Variants in AGBL1 observed in about 807,000 individuals in gnomAD.
The protein encoded by AGBL1 is cytosolic carboxypeptidase 4.
AGBL1 carries 130 observed loss-of-function variants against 118.9 expected under a neutral mutation model. The ratio of observed to expected loss-of-function variants is 1.09; its 90% CI spans 0.95 to 1.26. The LOEUF is 1.26. Among genes scored for constraint, AGBL1 ranks in the 50% most tolerant of loss-of-function variants. AGBL1 has a pLI of 0.00. For missense variants in AGBL1, 1,584 were observed against 1,298.1 expected, an observed-to-expected ratio of 1.22 and a Z score of -3.38; for synonymous variants, 555 against 478.9, an observed-to-expected ratio of 1.16 and a Z score of -2.08.
rs1166428209 is a variant in AGBL1 at position 87,006,845 on chromosome 15, G to GA, written c.3323+18757_3323+18758insA. Among the ~76,000 whole-genome samples the GA allele has an allele frequency of 2.0e-5, 3 of 152,036 alleles. No homozygotes were observed. In the East Asian group the frequency reaches 5.8e-4, roughly 29 times the overall value. ...CCCTTGGAGCCAAGATTTTAAACCTGGACTACAGCCTGAGAAGAATGGAAT... is the reference window on the plus strand; with the variant it reads ...CCCTTGGAGCCAAGATTTTAAACCTGAGACTACAGCCTGAGAAGAATGGAAT... On this transcript the variant is annotated intron_variant, in intron 24 of 24. Coordinates refer to the AGBL1 transcript ENST00000441037.
chr15:86,569,941 A>G (rs1178388956), intron 21 of AGBL1, among the ~76,000 whole-genome samples: 1 of 152,242 alleles, frequency 6.6e-6, no homozygotes, highest in African/African-American at 2.4e-5. Context: ...AAGATGGTTT[A>G]TCTCTGTAAA....
chr15:86,633,083 A>G (rs2085003301), intron 21 of AGBL1, among the ~76,000 whole-genome samples: 1 of 152,178 alleles, frequency 6.6e-6, no homozygotes, highest in Admixed American at 6.5e-5. Flanking sequence ...CTACACTTAG[A>G]CAAGTAGTAA....
intron 5 of AGBL1, among the ~76,000 whole-genome samples, chr15:86,196,868 T>TGCGCGTGC (rs1555446440): frequency 1.0e-5 from 1 of 95,718 alleles, no homozygotes; most frequent in African/African-American, 4.6e-5. Context: ...TGTGCACATG[T>TGCGCGTGC]GCGCGCGCGC....
chr15:86,962,613 T>C (rs922766602), intron 23 of AGBL1, among the ~76,000 whole-genome samples: 2 of 152,086 alleles, frequency 1.3e-5, no homozygotes, highest in African/African-American at 4.8e-5. Flanking sequence ...AAATTTCAGG[T>C]TATGCAGGAC....
chr15:86,178,725 T>G (rs2077514793), intron 5 of AGBL1, among the ~76,000 whole-genome samples: 1 of 152,216 alleles, frequency 6.6e-6, no homozygotes, highest in Admixed American at 6.5e-5. Context: ...ATTTTCTAAC[T>G]TATTCAATGA....
At chr15:87,027,489 T>A (rs1013051088) in intron 24 of AGBL1, among the ~76,000 whole-genome samples, 7 of 147,458 alleles carry the variant, frequency 4.7e-5, no homozygotes, top group African/African-American at 1.8e-4. Flanking sequence ...ATTATATAGA[T>A]GTATTATGCA....
chr15:86,485,616 C>T (rs371105760), intron 18 of AGBL1, among the ~76,000 whole-genome samples: 100 of 152,120 alleles, frequency 6.6e-4, no homozygotes, highest in Admixed American at 2.1e-3. Flanking sequence ...TTTCATATGA[C>T]GCAAAATATA....
At chr15:86,697,362 T>C (rs967459417) in intron 22 of AGBL1, among the ~76,000 whole-genome samples, 1 of 152,044 alleles carries the variant, frequency 6.6e-6, no homozygotes, top group African/African-American at 2.4e-5. Context: ...CTGAATTCCT[T>C]TCTTTTGCTT....
intron 1 of AGBL1, among the ~76,000 whole-genome samples, chr15:86,118,256 C>T (rs1186904731): frequency 6.6e-6 from 1 of 152,170 alleles, no homozygotes; most frequent in Admixed American, 6.5e-5. Context: ...CCCTTTGCTT[C>T]TCTCTGGAGT....
intron 22 of AGBL1, among the ~76,000 whole-genome samples, chr15:86,766,397 T>C (rs2078097472): frequency 6.6e-6 from 1 of 151,988 alleles, no homozygotes; most frequent in Non-Finnish European, 1.5e-5. Flanking sequence ...AAACTACTTA[T>C]GGTATAAATG....
chr15:86,517,337 A>G lies in AGBL1; in HGVS notation c.2556-5473A>G, dbSNP rs180864074. Among the ~76,000 whole-genome samples the G allele has an allele frequency of 3.9e-5, 6 of 152,350 alleles. No homozygotes were observed. The East Asian group carries it at 1.2e-3, about 29-fold the overall frequency. On this transcript the variant is annotated intron_variant, in intron 18 of 22. Transcript: ENST00000614907. ...GTCCATTAGGATCTTGTTAAAATGC[A>G]GACTCAGGGTTGGGACTAGAGTTTC... is the stretch of plus-strand genomic sequence containing the variant.
intron 23 of AGBL1, among the ~76,000 whole-genome samples, chr15:86,979,943 A>G (rs1037982628): frequency 6.6e-5 from 10 of 152,162 alleles, no homozygotes; most frequent in African/African-American, 2.2e-4. Flanking sequence ...ACTGGGATCC[A>G]CTAAGAGACT....
In AGBL1 at chr15:86,729,861, A is replaced by G. The variant is rs180980378; in HGVS notation, c.3158+55425A>G. Among the ~76,000 whole-genome samples the G allele has an allele frequency of 5.7e-3, 868 of 152,268 alleles. 2 individuals carry two copies. The highest frequency in any genetic ancestry group is 0.017 in the South Asian group (82 of 4,824). ...TAGAGAAATCACACTGCTTTCCACA[A>G]TGCCTCAACTAATTTACATTCCCAC... On this transcript the variant is annotated intron_variant, in intron 22 of 22. Coordinates refer to ENST00000614907, the MANE Select transcript of AGBL1 (RefSeq NM_001386094.1).
At chr15:86,092,442 C>G (rs968354992) in intron 1 of AGBL1, among the ~76,000 whole-genome samples, 1 of 152,056 alleles carries the variant, frequency 6.6e-6, no homozygotes, top group Non-Finnish European at 1.5e-5. Context: ...TCAGACCAAC[C>G]ACTGAACTTT....
At chr15:86,638,785 A>G (rs1414308960) in intron 21 of AGBL1, among the ~76,000 whole-genome samples, 1 of 152,204 alleles carries the variant, frequency 6.6e-6, no homozygotes, top group Middle Eastern at 3.2e-3. Flanking sequence ...ACTCAGAGGC[A>G]TAAAACACCA....
At chr15:86,105,403 G>T (rs1016164523) in intron 1 of AGBL1, 3 of 152,156 alleles carry the variant, frequency 2.0e-5, no homozygotes, top group African/African-American at 7.2e-5. Flanking sequence ...TACCTTACCT[G>T]GGGCTAGTAA....
chr15:86,362,941 C>T (rs2080828624), intron 17 of AGBL1, among the ~76,000 whole-genome samples: 1 of 152,168 alleles, frequency 6.6e-6, no homozygotes, highest in Admixed American at 6.5e-5. Flanking sequence ...TGCAGTTTAA[C>T]CAAGGGCTTA....
chr15:86,698,767 G>C (rs2142634801), intron 22 of AGBL1, among the ~76,000 whole-genome samples: 1 of 151,754 alleles, frequency 6.6e-6, no homozygotes, highest in African/African-American at 2.4e-5. Flanking sequence ...TTGAGACAGT[G>C]GTTCTGGAAC....
At chr15:86,234,329 G>A (rs180875171) in intron 6 of AGBL1, among the ~76,000 whole-genome samples, 28 of 152,132 alleles carry the variant, frequency 1.8e-4, no homozygotes, top group Admixed American at 3.3e-4. Context: ...AAGGTGGGCA[G>A]ATCACAAGGT....
Sources: allele counts gnomAD v4.1 joint callset (sites outside exome capture counted in the v4.1 genomes callset), GRCh38; gene constraint gnomAD v4.1.1; transcripts MANE v1.5; gene names NCBI Gene and HGNC (gene_info 2026-07-23, HGNC 2026-07-21).